The following FECH variants were observed in gnomAD, a reference collection of about 807,000 sequenced individuals.
FECH encodes ferrochelatase.
Under a neutral mutation model 56.9 loss-of-function variants are expected in FECH, and 40 were observed. The ratio of observed to expected loss-of-function variants is 0.70; its 90% CI spans 0.55 to 0.92. The LOEUF (loss-of-function observed/expected upper bound fraction) is 0.92. Among genes scored for constraint, FECH ranks in the 40% least tolerant of loss-of-function variants. FECH has a pLI of 0.00. For missense variants in FECH, 431 were observed against 529.1 expected (o/e 0.81, Z 1.82); for synonymous variants, 175 against 198.6 (o/e 0.88, Z 1.00).
chr18:57,551,830 G>A lies in FECH; in HGVS notation c.1078-456C>T, dbSNP rs536130270. On this transcript the variant is annotated intron_variant, in intron 9 of 10. Coordinates refer to ENST00000262093, the MANE Select transcript of FECH (RefSeq NM_000140.5). Reference sequence around the variant, plus strand: ...AATTAACTTATCGACTATAAAATATGTATTGGACCTACACTGGAACCAATT... The same window carrying A: ...AATTAACTTATCGACTATAAAATATATATTGGACCTACACTGGAACCAATT... Among the ~76,000 whole-genome samples the A allele has an allele frequency of 3.3e-5, 5 of 151,622 alleles. No individual in the cohort carries two copies. The South Asian group carries it at 1.0e-3, about 32-fold the overall frequency.
intron 6 of FECH, among the ~76,000 whole-genome samples, chr18:57,562,211 T>C (rs1429931821): frequency 6.6e-6 from 1 of 152,224 alleles, no homozygotes; most frequent in Admixed American, 6.5e-5. Flanking sequence ...CAAAATTATA[T>C]TTGCATAATT....
At chr18:57,585,940 C>G (rs2051365603) in intron 1 of FECH, 1 of 152,312 alleles carries the variant, frequency 6.6e-6, no homozygotes, top group Non-Finnish European at 1.5e-5. Flanking sequence ...TGTGTGAGAT[C>G]CACAGTCCCA....
In FECH at chr18:57,586,556, G is replaced by C. The variant is rs1377509515; in HGVS notation, c.65C>G (p.Pro22Arg). 2.0e-6 allele frequency: 3 copies of C among 1,521,986 alleles called. No homozygotes were observed. Among genetic ancestry groups the C allele is most frequent in the East Asian group, 5.1e-5 (2 of 39,240 alleles). The allele number at this position is 1,521,986 out of a possible 1,614,324, so 94.3% of individuals were successfully genotyped here. Residue 22 changes from proline to arginine, a missense_variant and splice_region_variant, in exon 1 of 11, where the codon CCG becomes CGG. Pro to Arg is a moderately radical substitution (Grantham distance 103). Transcript: ENST00000262093. The stretch of plus-strand genomic sequence containing the variant: ...GCCGCCGCGACAGACCCACTTACGC[G>C]GATCGCGGAGCAGGACGCCCGCGGC... Reference protein sequence around the residue: ...LRAAGVLLRDPLASSSWRVCQ... With the variant: ...LRAAGVLLRDRLASSSWRVCQ...
chr18:57,553,303 C>T (rs1219956153), intron 9 of FECH, among the ~76,000 whole-genome samples: 1 of 152,160 alleles, frequency 6.6e-6, no homozygotes, highest in African/African-American at 2.4e-5. Flanking sequence ...TGCTCCCTAA[C>T]TTCACCCATG....
chr18:57,579,019 G>A (rs1271992696), intron 2 of FECH, among the ~76,000 whole-genome samples: 8 of 151,728 alleles, frequency 5.3e-5, no homozygotes, highest in African/African-American at 7.3e-5. Context: ...AGGCCAAGGC[G>A]GGCGGATCAC....
In FECH at chr18:57,545,614, A is replaced by G. The variant is rs140249103; in HGVS notation, c.*5098T>C. ...TGAAGGGCACCACCTGCTATTGCTC[A>G]TCATATTCGTGCCATTCAACAAATA... On this transcript the variant is annotated 3_prime_UTR_variant, in exon 11 of 11. Coordinates refer to ENST00000262093, the MANE Select transcript of FECH (RefSeq NM_000140.5). Among the ~76,000 whole-genome samples, 1 of 152,320 alleles carries G rather than the reference A, an allele frequency of 6.6e-6. No individual in the cohort carries two copies. The highest frequency in any genetic ancestry group is 2.4e-5 in the African/African-American group (1 of 41,582).
intron 6 of FECH, among the ~76,000 whole-genome samples, chr18:57,559,826 C>A (rs1787997): frequency 2.6e-5 from 4 of 152,030 alleles, no homozygotes; most frequent in South Asian, 2.1e-4. Flanking sequence ...TTCACAGAGC[C>A]GGGAAAGATG....
rs2050738024 is a variant in FECH, at chr18:57,547,719, A to C, written c.*2993T>G. On this transcript the variant is annotated 3_prime_UTR_variant, in exon 11 of 11. Transcript: ENST00000262093. ...GCAATCACACCTCACTGCAACCTCA[A>C]ACTGCTGGGCTCAAGCAATCCTACC... Among the ~76,000 whole-genome samples, 1 of 152,056 alleles carries C rather than the reference A, an allele frequency of 6.6e-6. No homozygotes were observed. Among genetic ancestry groups the C allele is most frequent in the Admixed American group, 6.6e-5 (1 of 15,266 alleles).
intron 7 of FECH, among the ~76,000 whole-genome samples, chr18:57,555,559 T>C (rs1360125837): frequency 6.6e-6 from 1 of 152,256 alleles, no homozygotes; most frequent in Non-Finnish European, 1.5e-5. Context: ...CATGATCCCT[T>C]GTTAATACCT....
rs557576368 is a variant in FECH, at chr18:57,580,264, T to G, written c.68-65A>C. ...AAAGTAATTTCTTCTGAAGAGGTCC[T>G]CAGAGCATAATTCCTGACTTTAAAA... On this transcript the variant is annotated intron_variant, in intron 1 of 10. Transcript: ENST00000262093. 1.9e-6 allele frequency: 3 copies of G among 1,590,008 alleles called. No homozygotes were observed. The East Asian group carries it at 6.7e-5, about 36-fold the overall frequency.
intron 9 of FECH, among the ~76,000 whole-genome samples, chr18:57,553,133 A>G (rs1440583871): frequency 6.6e-6 from 1 of 152,132 alleles, no homozygotes; most frequent in Non-Finnish European, 1.5e-5. Flanking sequence ...TATAAACTAT[A>G]TTTTCACTGA....
rs747091017 is a variant in FECH, at chr18:57,562,927, T to C, written c.652A>G (p.Thr218Ala). Residue 218 changes from threonine (T) to alanine (A), a missense_variant, in exon 6 of 11, where the codon ACG (threonine) becomes GCG (alanine). Coordinates refer to ENST00000262093, the MANE Select transcript of FECH (RefSeq NM_000140.5). ...CTGTCAATAGTGCTCCACTTCATCG[T>C]GGGCTTCCGTCCCACTTGATTATAG... is the stretch of plus-strand genomic sequence containing the variant. ...RYYNQVGRKPTMKWSTIDRWP... is the reference protein window; with the variant it reads ...RYYNQVGRKPAMKWSTIDRWP... The C allele has an allele frequency of 5.0e-6, 8 of 1,614,024 alleles. No homozygotes were observed. The African/African-American group carries it at 1.1e-4, about 22-fold the overall frequency.
chr18:57,559,820 C>A (rs1344833831), intron 6 of FECH, among the ~76,000 whole-genome samples: 1 of 152,172 alleles, frequency 6.6e-6, no homozygotes, highest in Non-Finnish European at 1.5e-5. Flanking sequence ...ATTAAATTCA[C>A]AGAGCCGGGA....
chr18:57,563,915 G>A (rs1361913822), intron 5 of FECH, among the ~76,000 whole-genome samples: 5 of 152,086 alleles, frequency 3.3e-5, no homozygotes, highest in African/African-American at 9.7e-5. Flanking sequence ...TTTTGCTCTT[G>A]TTGCCCAGGC....
chr18:57,567,812 T>A (rs769119394), intron 4 of FECH: 5 of 152,204 alleles, frequency 3.3e-5, no homozygotes, highest in African/African-American at 7.2e-5. Context: ...CAGAATGCCA[T>A]TAGGCGAGAG....
intron 2 of FECH, among the ~76,000 whole-genome samples, chr18:57,573,673 G>A (rs1477938468): frequency 6.6e-6 from 1 of 152,274 alleles, no homozygotes; most frequent in East Asian, 1.9e-4. Context: ...TGGGAGTCAA[G>A]GTAGAAATCT....
Position 57,563,580 on chromosome 18 carries a change from C to CAAAAAAAAAAA in FECH, c.599-611_599-601dup, listed in dbSNP as rs747565830. On this transcript the variant is annotated intron_variant, in intron 5 of 10. Transcript: ENST00000262093. Reference sequence around the variant, plus strand: ...GGGCAACAAGAGCGAAACTCCGTCCCAAAAAAAAAAAAAAAAAAAAAAAAG... The same window carrying CAAAAAAAAAAA: ...GGGCAACAAGAGCGAAACTCCGTCCCAAAAAAAAAAAAAAAAAAAAAAAAAAAAAAAAAAAG... Among the ~76,000 whole-genome samples, 76 of 33,570 alleles carry CAAAAAAAAAAA rather than the reference C, an allele frequency of 2.3e-3. 5 individuals are homozygous for CAAAAAAAAAAA. The highest frequency in any genetic ancestry group is 7.3e-3 in the East Asian group (6 of 820). The allele number at this position is 33,570 out of a possible 152,430, so 22.0% of individuals were successfully genotyped here.
At chr18:57,575,300 C>T (rs2051169674) in intron 2 of FECH, among the ~76,000 whole-genome samples, 1 of 152,186 alleles carries the variant, frequency 6.6e-6, no homozygotes, top group South Asian at 2.1e-4. Context: ...ATTATGAACG[C>T]TGAGGGGTCT....
rs1256285195 is a variant in FECH, at chr18:57,551,328, G to C, written c.1124C>G (p.Pro375Arg). 1 of 1,611,582 alleles carries C rather than the reference G, an allele frequency of 6.2e-7. No individual in the cohort carries two copies. The highest frequency in any genetic ancestry group is 8.5e-7 in the Non-Finnish European group (1 of 1,177,814). The change falls in exon 10 of 11, where the codon CCA becomes CGA. Residue 375 changes from proline to arginine, a missense_variant. By Grantham distance (103) the Pro-to-Arg change is moderately radical. Coordinates refer to ENST00000262093, the MANE Select transcript of FECH (RefSeq NM_000140.5). ...IRRAESLNGN[P>R]LFSKALADLV... ...CACTGTAGATACCTTAGAGAACAAT[G>C]GATTTCCATTAAGAGACTCAGCTCT...
Sources: allele counts gnomAD v4.1 joint callset (sites outside exome capture counted in the v4.1 genomes callset), GRCh38; gene constraint gnomAD v4.1.1; transcripts MANE v1.5; gene names NCBI Gene and HGNC (gene_info 2026-07-23, HGNC 2026-07-21).